PDZD2: variants seen among roughly 807,000 people sequenced by gnomAD.
PDZD2 encodes the protein PDZ domain containing 2, also known as PDZ domain-containing protein 2.
A neutral mutation model predicts 220.7 loss-of-function variants in PDZD2; 90 were observed. The ratio of observed to expected loss-of-function variants is 0.41; its 90% CI spans 0.34 to 0.49. The LOEUF (loss-of-function observed/expected upper bound fraction) is 0.49. PDZD2 is among the 20% of genes least tolerant of loss of function. The probability of loss-of-function intolerance (pLI) is 0.28; values close to 1 mark genes in which losing one functional copy is unlikely to be tolerated. For synonymous variants in PDZD2, 1,375 were observed against 1,450.5 expected (o/e 0.95, Z 1.18); for missense variants, 3,174 against 3,608.5 (o/e 0.88, Z 3.08).
chr5:31,881,043 G>T lies in PDZD2; in HGVS notation c.476+81319G>T, dbSNP rs182295756. On this transcript the variant is annotated intron_variant, in intron 2 of 24. Transcript: ENST00000438447. ...TCTCGAACTCCTGACCTTGTGATAC[G>T]CCCGCCTAGGCCTCCCAAAATGCTG... Among the ~76,000 whole-genome samples the T allele has an allele frequency of 9.9e-5, 15 of 151,342 alleles. 1 individual carries two copies. In the East Asian group the frequency reaches 3.0e-3, roughly 30 times the overall value.
At chr5:32,010,190 G>A in intron 5 of PDZD2, 140 bp from the exon 6 acceptor site, 1 of 606,464 alleles carries the variant, frequency 1.6e-6, no homozygotes, top group Admixed American at 2.5e-5. Flanking sequence ...GGCCTTTGAG[G>A]TAACCTTGCA....
intron 1 of PDZD2, among the ~76,000 whole-genome samples, chr5:31,794,815 T>A (rs1753936031): frequency 6.6e-6 from 1 of 152,144 alleles, no homozygotes; most frequent in Non-Finnish European, 1.5e-5. Context: ...TTTCTAAAAG[T>A]GAGAAGAGCA....
chr5:31,888,201 TCCTTCCTTC>T (rs1266411995), intron 2 of PDZD2, among the ~76,000 whole-genome samples: 23 of 152,086 alleles, frequency 1.5e-4, no homozygotes, highest in Non-Finnish European at 7.4e-5. Flanking sequence ...TCTCTTTCCT[TCCTTCCTTC>T]CCTTCCTTCC....
chr5:31,954,631 A>G (rs1747492085), intron 2 of PDZD2, among the ~76,000 whole-genome samples: 2 of 152,296 alleles, frequency 1.3e-5, no homozygotes, highest in East Asian at 3.9e-4. Flanking sequence ...ATGTTCCCAT[A>G]AAAACCACTA....
rs761733109 is a variant in PDZD2 at position 31,802,816 on chromosome 5, A to G, written c.476+3092A>G. On this transcript the variant is annotated intron_variant, in intron 2 of 24. Transcript: ENST00000438447. ...GTGCCTGTAGTCCCAGCTACTTGGG[A>G]GGCTGAGGCAGGAGAATGGCCTGAA... Among the ~76,000 whole-genome samples the G allele has an allele frequency of 7.5e-3, 1,089 of 145,710 alleles. 8 individuals carry two copies. The highest frequency in any genetic ancestry group is 0.013 in the Non-Finnish European group (839 of 66,944).
intron 8 of PDZD2, among the ~76,000 whole-genome samples, chr5:32,049,374 G>A (rs986812698): frequency 6.6e-6 from 1 of 152,168 alleles, no homozygotes; most frequent in Admixed American, 6.5e-5. Context: ...TAACCAAGGG[G>A]CTCAAGAGGA....
chr5:31,687,248 G>A (rs1746911076), intron 1 of PDZD2, among the ~76,000 whole-genome samples: 1 of 152,008 alleles, frequency 6.6e-6, no homozygotes, highest in South Asian at 2.1e-4. Context: ...GAGTGTATAT[G>A]AGTCCACTCA....
intron 1 of PDZD2, among the ~76,000 whole-genome samples, chr5:31,784,350 T>G (rs1753252307): frequency 6.6e-6 from 1 of 152,164 alleles, no homozygotes; most frequent in Non-Finnish European, 1.5e-5. Flanking sequence ...TTTTGAGAAT[T>G]AAACTAGTAA....
At chr5:31,668,997 C>T (rs1454482376) in intron 1 of PDZD2, among the ~76,000 whole-genome samples, 3 of 152,018 alleles carry the variant, frequency 2.0e-5, no homozygotes, top group Admixed American at 6.6e-5. Flanking sequence ...ACCTCCATTA[C>T]TGGGGTTCTC....
chr5:31,691,665 G>A (rs1335583074), intron 1 of PDZD2, among the ~76,000 whole-genome samples: 2 of 152,138 alleles, frequency 1.3e-5, no homozygotes, highest in Non-Finnish European at 2.9e-5. Context: ...GGCACTGATT[G>A]GAGCATTTAC....
chr5:31,689,353 A>ATATATATATATATATTTTTTT, intron 1 of PDZD2, among the ~76,000 whole-genome samples: 11 of 35,112 alleles, frequency 3.1e-4, no homozygotes, highest in African/African-American at 6.2e-4. Flanking sequence ...ATATATATAT[A>ATATATATATATATATTTTTTT]TTTTTTTTTT....
chr5:31,708,482 TTTC>T (rs1316085083), intron 1 of PDZD2, among the ~76,000 whole-genome samples: 2 of 152,248 alleles, frequency 1.3e-5, no homozygotes, highest in African/African-American at 4.8e-5. Flanking sequence ...AAGCTCTTTC[TTTC>T]TTTTTTCACT....
At chr5:32,011,334 CAA>C (rs70957995) in intron 6 of PDZD2, among the ~76,000 whole-genome samples, 44,308 of 133,646 alleles carry the variant, frequency 0.33, 7,148 homozygotes, top group African/African-American at 0.45. Context: ...ACAAAAAATA[CAA>C]AAAAAAAAAA....
At chr5:32,012,936 G>A (rs1052894642) in intron 6 of PDZD2, among the ~76,000 whole-genome samples, 5 of 151,380 alleles carry the variant, frequency 3.3e-5, no homozygotes, top group African/African-American at 9.7e-5. Flanking sequence ...GAGTTTTTCC[G>A]AGTATAAAAG....
intron 2 of PDZD2, among the ~76,000 whole-genome samples, chr5:31,955,683 C>CTTTTTTTTTTTTTTTTT (rs34964306): frequency 6.0e-5 from 7 of 116,852 alleles, no homozygotes; most frequent in East Asian, 2.5e-4. Flanking sequence ...GGGCTCTGTT[C>CTTTTTTTTTTTTTTTTT]TTTTTTTTTT....
At chr5:31,677,098 C>A (rs929182753) in intron 1 of PDZD2, among the ~76,000 whole-genome samples, 8 of 152,096 alleles carry the variant, frequency 5.3e-5, no homozygotes, top group African/African-American at 1.9e-4. Context: ...TGGGGAAAAA[C>A]AACCAAAATG....
chr5:32,067,416 T>G (rs1438366724), intron 14 of PDZD2, among the ~76,000 whole-genome samples: 1 of 152,162 alleles, frequency 6.6e-6, no homozygotes, highest in East Asian at 1.9e-4. Context: ...TTATATAAAA[T>G]TATTCTCTAC....
intron 1 of PDZD2, among the ~76,000 whole-genome samples, chr5:31,674,965 C>T (rs945288096): frequency 2.6e-5 from 4 of 152,158 alleles, no homozygotes; most frequent in Non-Finnish European, 4.4e-5. Context: ...CCCCAGAAGG[C>T]ACCAGATCCC....
chr5:31,856,228 G>C (rs146308968), intron 2 of PDZD2, among the ~76,000 whole-genome samples: 1 of 152,096 alleles, frequency 6.6e-6, no homozygotes, highest in Non-Finnish European at 1.5e-5. Context: ...GTAGGCCTCC[G>C]TGGCTCCTTT....
Sources: gnomAD v4.1 joint callset for allele counts (sites outside exome capture counted in the v4.1 genomes callset) on GRCh38, gnomAD v4.1.1 for gene constraint, MANE v1.5 for transcripts, NCBI Gene and HGNC (gene_info 2026-07-23, HGNC 2026-07-21) for gene names.